The following PATE2 variants were observed in gnomAD, a reference collection of about 807,000 sequenced individuals.
PATE2 encodes prostate and testis expressed 2.
In PATE2, 7 loss-of-function variants were observed where a neutral mutation model predicts 10.5. That is an observed-to-expected ratio of 0.66 (90% confidence interval 0.38 to 1.25). The LOEUF (loss-of-function observed/expected upper bound fraction) is 1.25, where lower values mean the gene tolerates loss of function less well. PATE2 is among the 50% of genes most tolerant of loss of function. The pLI, the probability that PATE2 is intolerant of heterozygous loss-of-function variation, is 0.02. For synonymous variants in PATE2, 44 were observed against 46.9 expected, an observed-to-expected ratio of 0.94 and a Z score of 0.25; for missense variants, 133 against 135.4, an observed-to-expected ratio of 0.98 and a Z score of 0.09.
Position 125,777,034 on chromosome 11 carries a change from GAATTCTC to G in PATE2, c.*341_*347del. On this transcript the variant is annotated 3_prime_UTR_variant, in exon 4 of 4. Coordinates refer to ENST00000358524, the MANE Select transcript of PATE2 (RefSeq NM_212555.3). ...TAGATGAGGATAGAGGATAGTCACA[GAATTCTC>G]AGTACAAATTGGAGATTATTATGGC... 1.1e-5 allele frequency: 2 copies of G among 188,590 alleles called. No homozygotes were observed. The highest frequency in any genetic ancestry group is 1.3e-4 in the South Asian group (1 of 7,516). The allele number at this position is 188,590 out of a possible 1,614,324, so 11.7% of individuals were successfully genotyped here.
rs201863710 is a variant in PATE2 at position 125,777,376 on chromosome 11, G to A, written c.*6C>T. ...AAAGAACCCAAAATCCAGGAGAGAC[G>A]TAGAACTAAACTCCCTCAGGGAGGT... On this transcript the variant is annotated 3_prime_UTR_variant, in exon 4 of 4. Coordinates refer to ENST00000358524, the MANE Select transcript of PATE2 (RefSeq NM_212555.3). 3.7e-5 allele frequency: 60 copies of A among 1,612,684 alleles called. No homozygotes were observed. Among genetic ancestry groups the A allele is most frequent in the Middle Eastern group, 1.6e-4 (1 of 6,070 alleles).
In PATE2 at chr11:125,777,139, A is replaced by C; in HGVS notation, c.*243T>G. ...AGCTTATTCATGGCAGTATCACGTA[A>C]GGAGAGCAAAACCCCTCCCACCTGT... On this transcript the variant is annotated 3_prime_UTR_variant, in exon 4 of 4. Coordinates refer to ENST00000358524, the MANE Select transcript of PATE2 (RefSeq NM_212555.3). The C allele has an allele frequency of 2.2e-6, 1 of 452,846 alleles. No individual in the cohort carries two copies. The highest frequency in any genetic ancestry group is 4.0e-6 in the Non-Finnish European group (1 of 250,634). 28.1% of individuals were successfully genotyped at this position (452,846 alleles called of 1,614,324 possible).
Position 125,777,057 on chromosome 11 carries a change from T to G in PATE2, c.*325A>C. 9.1e-6 allele frequency: 2 copies of G among 220,314 alleles called. No homozygotes were observed. Among genetic ancestry groups the G allele is most frequent in the South Asian group, 9.9e-5 (1 of 10,116 alleles). The allele number at this position is 220,314 out of a possible 1,614,324, so 13.6% of individuals were successfully genotyped here. Reference sequence around the variant, plus strand: ...CAGAATTCTCAGTACAAATTGGAGATTATTATGGCCCAAGTGTTCACATTT... The same window carrying G: ...CAGAATTCTCAGTACAAATTGGAGAGTATTATGGCCCAAGTGTTCACATTT... On this transcript the variant is annotated 3_prime_UTR_variant, in exon 4 of 4. Transcript: ENST00000358524.
At position 125,777,414 on chromosome 11, in the gene PATE2, TA is replaced by T. The variant is rs1442312469; in HGVS notation, c.309del (p.His103GlnfsTer47). On this transcript the variant is annotated frameshift_variant, in exon 4 of 4. Coordinates refer to ENST00000358524, the MANE Select transcript of PATE2 (RefSeq NM_212555.3). LOFTEE classifies it high-confidence loss of function. ...TKRVELICCD[H>X]SNYCNLPEGV ...CCCTCAGGGAGGTTGCAGTAGTTAC[TA>T]TGATCACAACAGATGAGCTCTACCC... The T allele has an allele frequency of 6.2e-7, 1 of 1,613,590 alleles. No individual in the cohort carries two copies. The highest frequency in any genetic ancestry group is 8.5e-7 in the Non-Finnish European group (1 of 1,179,764).
rs140825958 is a variant in PATE2, at chr11:125,777,467, T to G, written c.257A>C (p.Asp86Ala). The change falls in exon 4 of 4, where the codon GAC becomes GCC. Residue 86 changes from aspartate to alanine, a missense_variant. Physicochemically the swap from Asp to Ala is moderately radical, Grantham distance 126 (BLOSUM62 -2). Transcript: ENST00000358524. ...SKLSCMTSCE[D>A]INFLGFTKRV... is the part of the protein sequence containing the mutation. ...CTTCGTGAACCCCAGGAAGTTGATG[T>G]CCTCACAGCTGGTCATACACGACAG... The G allele has an allele frequency of 1.9e-6, 3 of 1,613,630 alleles. No individual in the cohort carries two copies. The highest frequency in any genetic ancestry group is 2.5e-6 in the Non-Finnish European group (3 of 1,179,818).
Position 125,777,905 on chromosome 11 carries a change from T to G in PATE2, c.174A>C (p.Ala58=), listed in dbSNP as rs1324578125. Residue 58 remains alanine (A), a synonymous_variant, in exon 3 of 4, where the codon GCA becomes GCC. Coordinates refer to ENST00000358524, the MANE Select transcript of PATE2 (RefSeq NM_212555.3). ...SCSLKHKQSC[A]VENFYILTRK... ...TTGTAAGGATGTAAAAGTTCTCAAC[T>G]GCACAGGACTGTTTATGCTTCAGGG... is the stretch of plus-strand genomic sequence containing the variant. 1.9e-6 allele frequency: 3 copies of G among 1,613,442 alleles called. No homozygotes were observed. The highest frequency in any genetic ancestry group is 2.5e-6 in the Non-Finnish European group (3 of 1,179,624).
chr11:125,777,557 C>T, intron 3 of PATE2, 39 bp from the exon 4 acceptor site: 3 of 1,610,906 alleles, frequency 1.9e-6, no homozygotes, highest in Non-Finnish European at 1.7e-6. Flanking sequence ...TCATAATGAC[C>T]TCATTTCCTT....
At chr11:125,777,546 A>G (rs759293078) in intron 3 of PATE2, 28 bp from the exon 4 acceptor site, 23 of 1,612,538 alleles carry the variant, frequency 1.4e-5, no homozygotes, top group Non-Finnish European at 1.8e-5. Context: ...AGGAAATATG[A>G]TCATAATGAC....
Position 125,777,020 on chromosome 11 carries a change from AGAGGATAG to A in PATE2, c.*354_*361del. ...GAGGAGTGTGTGTGTAGATGAGGAT[AGAGGATAG>A]TCACAGAATTCTCAGTACAAATTGG... On this transcript the variant is annotated 3_prime_UTR_variant, in exon 4 of 4. Coordinates refer to ENST00000358524, the MANE Select transcript of PATE2 (RefSeq NM_212555.3). 2 of 169,154 alleles carry A rather than the reference AGAGGATAG, an allele frequency of 1.2e-5. No homozygotes were observed. The highest frequency in any genetic ancestry group is 1.6e-4 in the South Asian group (1 of 6,086). 10.5% of individuals were successfully genotyped at this position (169,154 alleles called of 1,614,324 possible). A position where few individuals can be genotyped will look rare whatever the true frequency, so the allele number is the denominator to read the frequency against.
Position 125,777,294 on chromosome 11 carries a change from TAGAAG to T in PATE2, c.*83_*87del, listed in dbSNP as rs1943493789. The T allele has an allele frequency of 6.7e-7, 1 of 1,484,414 alleles. No homozygotes were observed. Among genetic ancestry groups the T allele is most frequent in the African/African-American group, 1.4e-5 (1 of 71,724 alleles). The allele number at this position is 1,484,414 out of a possible 1,614,324, so 92.0% of individuals were successfully genotyped here. ...GGCTTTCTCACTCTCTACCAATGCATAGAAGAGGAGAGCAAAATTCAGGTTCAGGG... is the reference window on the plus strand; with the variant it reads ...GGCTTTCTCACTCTCTACCAATGCATAGGAGAGCAAAATTCAGGTTCAGGG... On this transcript the variant is annotated 3_prime_UTR_variant, in exon 4 of 4. Transcript: ENST00000358524.
intron 1 of PATE2, 58 bp from the exon 2 acceptor site, chr11:125,778,633 C>T: frequency 6.2e-7 from 1 of 1,611,480 alleles, no homozygotes; most frequent in Non-Finnish European, 8.5e-7. Context: ...GCCACTGCCC[C>T]AAGAGCCAAT....
chr11:125,776,293 A>G lies in PATE2; in HGVS notation c.*1089T>C, dbSNP rs1025016111. 3 of 152,148 alleles carry G rather than the reference A, an allele frequency of 2.0e-5. No homozygotes were observed. Among genetic ancestry groups the G allele is most frequent in the African/African-American group, 7.2e-5 (3 of 41,416 alleles). 9.4% of individuals were successfully genotyped at this position (152,148 alleles called of 1,614,324 possible). A position where few individuals can be genotyped will look rare whatever the true frequency, so the allele number is the denominator to read the frequency against. ...GGTTTGCTGCACCCATCAACCCGTC[A>G]TCTAGGGTGCAGTCAGCCTTATAAG... On this transcript the variant is annotated 3_prime_UTR_variant, in exon 4 of 4. Transcript: ENST00000358524.
At position 125,778,001 on chromosome 11, in the gene PATE2, C is replaced by T. The variant is rs774842820; in HGVS notation, c.78G>A (p.Ala26=). 3.3e-5 allele frequency: 54 copies of T among 1,612,446 alleles called. No homozygotes were observed. Among genetic ancestry groups the T allele is most frequent in the Middle Eastern group, 1.6e-4 (1 of 6,070 alleles). ...YWGELHDPIK[A]TEIMCYECKK... ...TACATTCATAACACATTATTTCAGT[C>T]GCTGCCAGATACAAAAAGAGGTGCT... is the stretch of plus-strand genomic sequence containing the variant. Residue 26 remains alanine (A), a splice_region_variant and synonymous_variant, in exon 3 of 4, where the codon GCG becomes GCA. Coordinates refer to ENST00000358524, the MANE Select transcript of PATE2 (RefSeq NM_212555.3).
chr11:125,777,559 C>T (rs755999010), intron 3 of PATE2, 41 bp from the exon 4 acceptor site: 1 of 1,610,456 alleles, frequency 6.2e-7, no homozygotes, highest in East Asian at 2.2e-5. Flanking sequence ...ATAATGACCT[C>T]ATTTCCTTTT....
Position 125,777,024 on chromosome 11 carries a change from G to GCCGT in PATE2, c.*357_*358insACGG. 1 of 200,370 alleles carries GCCGT rather than the reference G, an allele frequency of 5.0e-6. No individual in the cohort carries two copies. Among genetic ancestry groups the GCCGT allele is most frequent in the Non-Finnish European group, 1.0e-5 (1 of 96,852 alleles). 12.4% of individuals were successfully genotyped at this position (200,370 alleles called of 1,614,324 possible). A position where few individuals can be genotyped will look rare whatever the true frequency, so the allele number is the denominator to read the frequency against. On this transcript the variant is annotated 3_prime_UTR_variant, in exon 4 of 4. Transcript: ENST00000358524. ...AGTGTGTGTGTAGATGAGGATAGAG[G>GCCGT]ATAGTCACAGAATTCTCAGTACAAA...
In PATE2 at chr11:125,778,806, G is replaced by A; in HGVS notation, c.-33C>T. 2 of 1,611,396 alleles carry A rather than the reference G, an allele frequency of 1.2e-6. No individual in the cohort carries two copies. Among genetic ancestry groups the A allele is most frequent in the Non-Finnish European group, 1.7e-6 (2 of 1,178,134 alleles). ...CTTCTGTCAGGTGCAGCTTCCTGTG[G>A]AAGGAGCAAGTTGTTCTCTTGTGAT... On this transcript the variant is annotated 5_prime_UTR_variant, in exon 1 of 4. Coordinates refer to ENST00000358524, the MANE Select transcript of PATE2 (RefSeq NM_212555.3).
intron 2 of PATE2, 150 bp from the exon 3 acceptor site, chr11:125,778,152 T>A (rs1441580340): frequency 2.6e-6 from 2 of 765,536 alleles, no homozygotes; most frequent in African/African-American, 1.8e-5. Context: ...AAGATAGGGA[T>A]AATCATGCTG....
intron 3 of PATE2, 141 bp from the exon 4 acceptor site, chr11:125,777,659 G>A: frequency 8.3e-7 from 1 of 1,202,618 alleles, no homozygotes; most frequent in Non-Finnish European, 1.2e-6. Context: ...GTTAATTGCT[G>A]ACCCAGAGAG....
chr11:125,778,455 G>A (rs1477515410), intron 2 of PATE2, 97 bp downstream of exon 2: 1 of 1,307,020 alleles, frequency 7.7e-7, no homozygotes, highest in Non-Finnish European at 1.1e-6. Context: ...TAATAAGAAT[G>A]GATTACAGGC....
Sources: gnomAD v4.1 joint callset for allele counts on GRCh38, gnomAD v4.1.1 for gene constraint, MANE v1.5 for transcripts, NCBI Gene and HGNC (gene_info 2026-07-23, HGNC 2026-07-21) for gene names.